The following STARD3 variants were observed in gnomAD, a reference collection of about 807,000 sequenced individuals.
STARD3 encodes StAR related lipid transfer domain containing 3, also known as stAR-related lipid transfer protein 3.
STARD3 carries 39 observed loss-of-function variants against 62.0 expected under a neutral mutation model. The ratio of observed to expected loss-of-function variants is 0.63; its 90% CI spans 0.49 to 0.82. The LOEUF is 0.82. STARD3 is among the 40% of genes least tolerant of loss of function. The pLI, the probability that STARD3 is intolerant of heterozygous loss-of-function variation, is 0.00. For synonymous variants in STARD3, 229 were observed against 242.4 expected (o/e 0.94, Z 0.51); for missense variants, 543 against 584.5 (o/e 0.93, Z 0.73).
In STARD3 at chr17:39,662,967, A is replaced by T. The variant is rs961471636; in HGVS notation, c.*59A>T. The T allele has an allele frequency of 2.0e-6, 3 of 1,532,180 alleles. No homozygotes were observed. The Admixed American group carries it at 5.5e-5, about 28-fold the overall frequency. The allele number at this position is 1,532,180 out of a possible 1,614,324, so 94.9% of individuals were successfully genotyped here. On this transcript the variant is annotated 3_prime_UTR_variant, in exon 15 of 15. Transcript: ENST00000336308. ...TGTCGCCACCACTTCCAGAGCCAGA[A>T]AGGGTGCCAGTTGGGCTCGCACTGC...
At chr17:39,648,861 C>T (rs919928223) in intron 1 of STARD3, among the ~76,000 whole-genome samples, 2 of 152,160 alleles carry the variant, frequency 1.3e-5, no homozygotes, top group Admixed American at 1.3e-4. Flanking sequence ...GTGTGGTTGC[C>T]ACTCCAAGTG....
At chr17:39,646,911 C>G (rs2057031599) in intron 1 of STARD3, among the ~76,000 whole-genome samples, 1 of 152,086 alleles carries the variant, frequency 6.6e-6, no homozygotes, top group Non-Finnish European at 1.5e-5. Context: ...ATGGTAAAAC[C>G]TCCACTTTTG....
intron 1 of STARD3, among the ~76,000 whole-genome samples, chr17:39,643,859 T>C (rs2057001943): frequency 6.6e-6 from 1 of 152,228 alleles, no homozygotes; most frequent in African/African-American, 2.4e-5. Flanking sequence ...GCCATTGCAT[T>C]GAATAAGTCA....
intron 13 of STARD3, among the ~76,000 whole-genome samples, chr17:39,661,625 C>T (rs2057199571): frequency 6.6e-6 from 1 of 152,068 alleles, no homozygotes; most frequent in South Asian, 2.1e-4. Flanking sequence ...TGCGGGTGGC[C>T]CCCTCCCATA....
Position 39,663,055 on chromosome 17 carries a change from T to C in STARD3, c.*147T>C, listed in dbSNP as rs772974841. The C allele has an allele frequency of 1.0e-5, 8 of 786,328 alleles. No homozygotes were observed. The highest frequency in any genetic ancestry group is 1.5e-5 in the Non-Finnish European group (8 of 521,072). 48.7% of individuals were successfully genotyped at this position (786,328 alleles called of 1,614,324 possible). ...GAGCCACGCAGTGCCTGGAGTTGAC[T>C]GACTGAGCAGGCTGTGGGGTGGAGC... On this transcript the variant is annotated 3_prime_UTR_variant, in exon 15 of 15. Transcript: ENST00000336308.
chr17:39,647,206 T>TA (rs35693151), intron 1 of STARD3, among the ~76,000 whole-genome samples: 4,092 of 140,200 alleles, frequency 0.029, 90 homozygotes, highest in African/African-American at 0.059. Context: ...TCAAAAAAGT[T>TA]AAAAAAAAAA....
intron 8 of STARD3, 30 bp downstream of exon 8, chr17:39,659,136 C>T: frequency 1.2e-6 from 2 of 1,613,918 alleles, no homozygotes; most frequent in South Asian, 1.1e-5. Flanking sequence ...TAACCCCTGC[C>T]CTTGGAATGG....
chr17:39,651,817 TC>T (rs1165645717), intron 1 of STARD3: 1 of 152,138 alleles, frequency 6.6e-6, no homozygotes, highest in Non-Finnish European at 1.5e-5. Context: ...TCCACCCACC[TC>T]CCGCCTCCCA....
At chr17:39,653,117 G>A in intron 1 of STARD3, 1 of 214,636 alleles carries the variant, frequency 4.7e-6, no homozygotes, top group Non-Finnish European at 9.4e-6. Context: ...AGGCCCAGAG[G>A]CTGTTGACAG....
chr17:39,651,558 C>G (rs1230626398), intron 1 of STARD3, among the ~76,000 whole-genome samples: 1 of 152,032 alleles, frequency 6.6e-6, no homozygotes, highest in African/African-American at 2.4e-5. Flanking sequence ...CCCGCTTCAG[C>G]TCCTCTGACT....
chr17:39,642,821 G>C (rs1236384239), intron 1 of STARD3, among the ~76,000 whole-genome samples: 1 of 152,170 alleles, frequency 6.6e-6, no homozygotes. Context: ...GTCATGCAAA[G>C]ACCTGGGGAG....
intron 2 of STARD3, among the ~76,000 whole-genome samples, chr17:39,655,518 T>C (rs1402766605): frequency 6.6e-6 from 1 of 152,168 alleles, no homozygotes; most frequent in Non-Finnish European, 1.5e-5. Flanking sequence ...TTTGGCTGTG[T>C]TGGCTGCGAT....
Position 39,664,081 on chromosome 17 carries a change from G to A in STARD3, c.*1173G>A, listed in dbSNP as rs45469091. ...TTCAGAGCCAGGTGGATCCTGTTTC[G>A]GTCCTGCCTAGGTGTGTGACCCTGG... On this transcript the variant is annotated 3_prime_UTR_variant, in exon 15 of 15. Coordinates refer to ENST00000336308, the MANE Select transcript of STARD3 (RefSeq NM_006804.4). The A allele has an allele frequency of 3.0e-3, 454 of 152,358 alleles. 4 individuals carry two copies. Among genetic ancestry groups the A allele is most frequent in the Non-Finnish European group, 4.6e-3 (311 of 68,052 alleles). The allele number at this position is 152,358 out of a possible 1,614,324, so 9.4% of individuals were successfully genotyped here. A position where few individuals can be genotyped will look rare whatever the true frequency, so the allele number is the denominator to read the frequency against.
In STARD3 at chr17:39,662,303, C is replaced by A. The variant is rs148526353; in HGVS notation, c.1192C>A (p.Arg398Ser). The change falls in exon 14 of 15, where the codon CGT (arginine) becomes AGT (serine). Residue 398 changes from arginine (R) to serine (S), a missense_variant. Physicochemically the swap from Arg to Ser is moderately radical, Grantham distance 110 (BLOSUM62 -1). Coordinates refer to ENST00000336308, the MANE Select transcript of STARD3 (RefSeq NM_006804.4). ...CGTGCTCAAGTCGGCCAGTAACCCC[C>A]GTGTTTGCACCTTTGTCTGGATTCT... ...FIVLKSASNP[R>S]VCTFVWILNT... 1 of 1,614,002 alleles carries A rather than the reference C, an allele frequency of 6.2e-7. No individual in the cohort carries two copies. Among genetic ancestry groups the A allele is most frequent in the African/African-American group, 1.3e-5 (1 of 74,994 alleles).
intron 7 of STARD3, 52 bp from the exon 8 acceptor site, chr17:39,658,999 C>T: frequency 8.7e-6 from 14 of 1,611,132 alleles, no homozygotes; most frequent in Non-Finnish European, 1.0e-5. Context: ...CACTACCTCC[C>T]CACACTCTCT....
chr17:39,643,449 G>T (rs1461232962), intron 1 of STARD3, among the ~76,000 whole-genome samples: 1 of 152,164 alleles, frequency 6.6e-6, no homozygotes, highest in East Asian at 1.9e-4. Flanking sequence ...TTCTGGGAAG[G>T]GGTGTGATGC....
Position 39,661,043 on chromosome 17 carries a change from C to G in STARD3, c.1097C>G (p.Ala366Gly). 1 of 1,613,764 alleles carries G rather than the reference C, an allele frequency of 6.2e-7. No individual in the cohort carries two copies. Among genetic ancestry groups the G allele is most frequent in the South Asian group, 1.1e-5 (1 of 91,082 alleles). ...GACCGATACTTGTCATCAGGGATCG[C>G]CACCTCACACAGTGCCAAGCCCCCG... ...RRDRYLSSGI[A>G]TSHSAKPPTH... The change falls in exon 13 of 15, where the codon GCC becomes GGC. Residue 366 changes from alanine (A) to glycine (G), a missense_variant. By Grantham distance (60) the Ala-to-Gly change is moderately conservative. Transcript: ENST00000336308.
chr17:39,657,178 A>C (rs2057139543), intron 3 of STARD3, 93 bp downstream of exon 3: 2 of 1,249,408 alleles, frequency 1.6e-6, no homozygotes. Flanking sequence ...GCATATATCC[A>C]GTCTGATCAG....
chr17:39,662,893 G>A lies in STARD3; in HGVS notation c.1323G>A (p.Leu441=), dbSNP rs1567863022. 1.2e-6 allele frequency: 2 copies of A among 1,611,636 alleles called. No homozygotes were observed. Among genetic ancestry groups the A allele is most frequent in the Non-Finnish European group, 1.7e-6 (2 of 1,179,212 alleles). Reference sequence around the variant, plus strand: ...ACCTGCGACAGCGCATCAGCGAGCTGGGGGCCCGGGCGTGACTGTGCCCCC... The same window carrying A: ...ACCTGCGACAGCGCATCAGCGAGCTAGGGGCCCGGGCGTGACTGTGCCCCC... The part of the protein sequence containing the change: ...AFHLRQRISE[L]GARA Residue 441 remains leucine, a synonymous_variant, in exon 15 of 15, where the codon CTG becomes CTA. Coordinates refer to ENST00000336308, the MANE Select transcript of STARD3 (RefSeq NM_006804.4).
Sources: allele counts gnomAD v4.1 joint callset (sites outside exome capture counted in the v4.1 genomes callset), GRCh38; gene constraint gnomAD v4.1.1; transcripts MANE v1.5; gene names NCBI Gene and HGNC (gene_info 2026-07-23, HGNC 2026-07-21).